Variants in TMEM132D observed in about 807,000 individuals in gnomAD.
TMEM132D encodes the protein mature OL transmembrane protein.
TMEM132D carries 21 observed loss-of-function variants against 62.3 expected under a neutral mutation model. That is an observed-to-expected ratio of 0.34 (90% CI 0.24 to 0.49). The LOEUF is 0.49. Among genes scored for constraint, TMEM132D ranks in the 20% least tolerant of loss-of-function variants. TMEM132D has a pLI of 0.99. For synonymous variants in TMEM132D, 621 were observed against 575.6 expected (o/e 1.08, Z -1.13); for missense variants, 1,346 against 1,402.8 (o/e 0.96, Z 0.65).
chr12:129,729,862 G>C (rs955134471), intron 1 of TMEM132D, among the ~76,000 whole-genome samples: 2 of 152,128 alleles, frequency 1.3e-5, no homozygotes, highest in Non-Finnish European at 2.9e-5. Flanking sequence ...CTCTGAGCTG[G>C]CCGCACCATG....
intron 5 of TMEM132D, among the ~76,000 whole-genome samples, chr12:129,186,833 A>ATTT (rs1325637871): frequency 6.6e-6 from 1 of 152,188 alleles, no homozygotes; most frequent in Non-Finnish European, 1.5e-5. Context: ...TGACAATTCC[A>ATTT]TTTTTTCAGA....
intron 2 of TMEM132D, among the ~76,000 whole-genome samples, chr12:129,689,851 T>C (rs1293743363): frequency 6.6e-6 from 1 of 152,198 alleles, no homozygotes; most frequent in Admixed American, 6.5e-5. Flanking sequence ...ATCACAATTA[T>C]TCTTACAAGA....
chr12:129,858,834 G>GGAAACGGGATGGGTGCCCTTGTAAC, intron 1 of TMEM132D, among the ~76,000 whole-genome samples: 1 of 126,034 alleles, frequency 7.9e-6, no homozygotes, highest in Non-Finnish European at 1.7e-5. Flanking sequence ...CGGAGTCCGG[G>GGAAACGGGATGGGTGCCCTTGTAAC]GGAGCGGGAT....
chr12:129,137,223 C>A (rs201169670), intron 5 of TMEM132D, among the ~76,000 whole-genome samples: 1 of 149,362 alleles, frequency 6.7e-6, no homozygotes, highest in South Asian at 2.1e-4. Flanking sequence ...ATCATCATCA[C>A]CATCACAATC....
Position 129,304,662 on chromosome 12 carries a change from CTTTTTTTTTTT to C in TMEM132D, c.1299+32961_1299+32971del, listed in dbSNP as rs35812965. 2.9e-3 allele frequency among the ~76,000 whole-genome samples: 276 copies of C among 93,646 alleles called. 4 individuals are homozygous for C. The highest frequency in any genetic ancestry group is 0.011 in the African/African-American group (261 of 24,624). The allele number at this position is 93,646 out of a possible 152,430, so 61.4% of individuals were successfully genotyped here. ...CCCTAAATACCAAACATACTTGGAT[CTTTTTTTTTTT>C]TTTTTTTTTTTTTTGATAGGGTCTT... On this transcript the variant is annotated intron_variant, in intron 4 of 8. Coordinates refer to ENST00000422113, the MANE Select transcript of TMEM132D (RefSeq NM_133448.3).
At chr12:129,793,817 C>T (rs1344664515) in intron 1 of TMEM132D, among the ~76,000 whole-genome samples, 1 of 152,194 alleles carries the variant, frequency 6.6e-6, no homozygotes, top group East Asian at 1.9e-4. Context: ...AAAAACGGCA[C>T]CTAGTTGGCC....
intron 4 of TMEM132D, among the ~76,000 whole-genome samples, chr12:129,337,127 G>A (rs1010829168): frequency 6.6e-6 from 1 of 152,176 alleles, no homozygotes; most frequent in Non-Finnish European, 1.5e-5. Flanking sequence ...CTGAAGACCT[G>A]ATTTCTGGTG....
In TMEM132D at chr12:129,073,327, A is replaced by G. The variant is rs1874133004; in HGVS notation, c.*548T>C. 2.0e-5 allele frequency: 3 copies of G among 152,688 alleles called. No homozygotes were observed. Among genetic ancestry groups the G allele is most frequent in the African/African-American group, 7.2e-5 (3 of 41,452 alleles). The allele number at this position is 152,688 out of a possible 1,614,324, so 9.5% of individuals were successfully genotyped here. A position where few individuals can be genotyped will look rare whatever the true frequency, so the allele number is the denominator to read the frequency against. ...CCATGATCTGAGACAGCTCTGGCCC[A>G]GCCTTTGAGAGACAATGACTCACAA... On this transcript the variant is annotated 3_prime_UTR_variant, in exon 9 of 9. Transcript: ENST00000422113.
intron 3 of TMEM132D, among the ~76,000 whole-genome samples, chr12:129,427,518 G>C (rs537791780): frequency 2.4e-4 from 36 of 151,934 alleles, no homozygotes; most frequent in Non-Finnish European, 4.9e-4. Flanking sequence ...TAACTAACCT[G>C]CACGTTGTGC....
At chr12:129,661,180 C>G (rs1031926453) in intron 2 of TMEM132D, among the ~76,000 whole-genome samples, 3 of 152,060 alleles carry the variant, frequency 2.0e-5, no homozygotes, top group Admixed American at 6.5e-5. Flanking sequence ...CTAACGGGAC[C>G]TCCCAACAGT....
At chr12:129,213,455 C>T (rs879378775) in intron 4 of TMEM132D, among the ~76,000 whole-genome samples, 10 of 152,102 alleles carry the variant, frequency 6.6e-5, no homozygotes, top group East Asian at 1.9e-4. Flanking sequence ...CGTGATTGTG[C>T]GACTGCACCA....
chr12:129,711,871 G>A (rs1365094372), intron 1 of TMEM132D, among the ~76,000 whole-genome samples: 2 of 149,882 alleles, frequency 1.3e-5, no homozygotes, highest in African/African-American at 4.9e-5. Flanking sequence ...ATGAAAATAG[G>A]ACTATAACAG....
rs1391916799 is a variant in TMEM132D at position 129,209,543 on chromosome 12, A to G, written c.1420T>C (p.Ser474Pro). 6.2e-7 allele frequency: 1 copy of G among 1,613,952 alleles called. No homozygotes were observed. Among genetic ancestry groups the G allele is most frequent in the Non-Finnish European group, 8.5e-7 (1 of 1,180,006 alleles). The change falls in exon 5 of 9, where the codon TCG (serine) becomes CCG (proline). Residue 474 changes from serine (S) to proline (P), a missense_variant. Transcript: ENST00000422113. ...TELLESVECRSSDEDVIKVSD... is the reference protein window; with the variant it reads ...TELLESVECRPSDEDVIKVSD... ...GCCTTAATCACGTCTTCATCAGACG[A>G]TCTACACTCCACAGACTCCAGCAGC... is the stretch of plus-strand genomic sequence containing the variant.
chr12:129,610,780 A>T (rs1233461548), intron 2 of TMEM132D, among the ~76,000 whole-genome samples: 2 of 152,216 alleles, frequency 1.3e-5, no homozygotes, highest in Non-Finnish European at 2.9e-5. Context: ...CTTCTTCCTT[A>T]AGTGAATTAC....
At position 129,683,523 on chromosome 12, in the gene TMEM132D, G is replaced by C. The variant is rs1880836181; in HGVS notation, c.968+16287C>G. ...AAGCCCATGATCCCTGCGTTCCTAA[G>C]AGTAACCCAGAAGTGGTACACAGAA... On this transcript the variant is annotated intron_variant, in intron 2 of 8. Transcript: ENST00000422113. Among the ~76,000 whole-genome samples the C allele has an allele frequency of 2.0e-5, 3 of 152,168 alleles. No homozygotes were observed. The South Asian group carries it at 6.2e-4, about 32-fold the overall frequency.
intron 1 of TMEM132D, among the ~76,000 whole-genome samples, chr12:129,776,039 T>C (rs1337911299): frequency 6.6e-6 from 1 of 152,132 alleles, no homozygotes; most frequent in Non-Finnish European, 1.5e-5. Context: ...AGCCTTCAAA[T>C]TGAGCTGTAA....
intron 3 of TMEM132D, among the ~76,000 whole-genome samples, chr12:129,502,118 G>A (rs1193497094): frequency 6.6e-6 from 1 of 152,010 alleles, no homozygotes; most frequent in Non-Finnish European, 1.5e-5. Flanking sequence ...TCCTGCCTCA[G>A]CCTCCCGAGT....
At chr12:129,251,409 G>A (rs538629904) in intron 4 of TMEM132D, among the ~76,000 whole-genome samples, 5 of 149,678 alleles carry the variant, frequency 3.3e-5, no homozygotes, top group South Asian at 2.1e-4. Flanking sequence ...AAGCTGTTAC[G>A]GAGACCCTTG....
chr12:129,259,001 G>A lies in TMEM132D; in HGVS notation c.1300-49338C>T, dbSNP rs75688031. On this transcript the variant is annotated intron_variant, in intron 4 of 8. Coordinates refer to ENST00000422113, the MANE Select transcript of TMEM132D (RefSeq NM_133448.3). ...GATGTGAGATAATGAGGTAAGCCAG[G>A]ATGTGTCTTGGGTAGAGTCTAGCCG... Among the ~76,000 whole-genome samples the A allele has an allele frequency of 2.4e-3, 364 of 152,294 alleles. 12 individuals carry two copies. The East Asian group carries it at 0.06, about 25-fold the overall frequency.
Sources: allele counts gnomAD v4.1 joint callset (sites outside exome capture counted in the v4.1 genomes callset), GRCh38; gene constraint gnomAD v4.1.1; transcripts MANE v1.5; gene names NCBI Gene and HGNC (gene_info 2026-07-23, HGNC 2026-07-21).